The following STX18 variants were observed in gnomAD, a reference collection of about 807,000 sequenced individuals.
STX18 encodes syntaxin 18, also known as syntaxin-18.
Under a neutral mutation model 50.1 loss-of-function variants are expected in STX18, and 40 were observed. The ratio of observed to expected loss-of-function variants is 0.80; its 90% CI spans 0.62 to 1.04. STX18 has a LOEUF of 1.04. STX18 is among the 50% of genes least tolerant of loss of function. The pLI, the probability that STX18 is intolerant of heterozygous loss-of-function variation, is 0.00. For missense variants in STX18, 410 were observed against 415.8 expected (o/e 0.99, Z 0.12); for synonymous variants, 158 against 151.8 (o/e 1.04, Z -0.30).
intron 1 of STX18, among the ~76,000 whole-genome samples, chr4:4,494,285 G>A (rs1338057193): frequency 1.3e-5 from 2 of 152,110 alleles, no homozygotes; most frequent in Non-Finnish European, 2.9e-5. Context: ...CCTTCTCCAG[G>A]CTTCAATCCT....
intron 1 of STX18, among the ~76,000 whole-genome samples, chr4:4,472,401 C>T (rs11735329): frequency 4.6e-5 from 7 of 152,190 alleles, no homozygotes; most frequent in Non-Finnish European, 1.0e-4. Context: ...TAGGGACAAA[C>T]GTGTTTCCAG....
rs182785091 is a variant in STX18 at position 4,420,217 on chromosome 4, T to G, written c.913-88A>C. 613 of 1,014,320 alleles carry G rather than the reference T, an allele frequency of 6.0e-4. 3 individuals are homozygous for G. In the African/African-American group the frequency reaches 8.4e-3, roughly 14 times the overall value. 62.8% of individuals were successfully genotyped at this position (1,014,320 alleles called of 1,614,324 possible). A position where few individuals can be genotyped will look rare whatever the true frequency, so the allele number is the denominator to read the frequency against. On this transcript the variant is annotated intron_variant, in intron 10 of 10. Transcript: ENST00000306200. This position sits in a 1 kb window ranked among gnomAD's most constrained non-coding sequence, Gnocchi z 4.3. ...AATGCCCCCCTCTTCCCACGTGCTC[T>G]CCTGATCCTGGCTGTAACTATGGGT...
At chr4:4,467,662 T>C (rs766079256) in intron 2 of STX18, among the ~76,000 whole-genome samples, 7 of 137,594 alleles carry the variant, frequency 5.1e-5, no homozygotes, top group Non-Finnish European at 9.0e-5. Context: ...GAGGAACAAA[T>C]GAGATAAAAT....
chr4:4,513,786 T>C (rs1287635172), intron 1 of STX18, among the ~76,000 whole-genome samples: 1 of 152,200 alleles, frequency 6.6e-6, no homozygotes, highest in Non-Finnish European at 1.5e-5. Flanking sequence ...GGATATCTCC[T>C]TGCTACTGCA....
intron 1 of STX18, among the ~76,000 whole-genome samples, chr4:4,509,844 C>A (rs1729917029): frequency 6.6e-6 from 1 of 152,008 alleles, no homozygotes; most frequent in Admixed American, 6.6e-5. Flanking sequence ...AGGCAGGTAT[C>A]TCCAGGCAAA....
intron 1 of STX18, among the ~76,000 whole-genome samples, chr4:4,540,291 T>G (rs1384752130): frequency 2.6e-5 from 4 of 152,202 alleles, no homozygotes; most frequent in African/African-American, 7.2e-5. Flanking sequence ...CTCTACCAGA[T>G]AACATCTGAC....
chr4:4,453,566 G>A, intron 5 of STX18: 1 of 561,116 alleles, frequency 1.8e-6, no homozygotes, highest in African/African-American at 2.0e-5. Flanking sequence ...AAACCAAAAT[G>A]TCTTTGTGAC....
chr4:4,474,815 T>G (rs1439857975), intron 1 of STX18, among the ~76,000 whole-genome samples: 4 of 152,226 alleles, frequency 2.6e-5, no homozygotes. Context: ...AACACGGTCC[T>G]GCCAACACCT....
At chr4:4,519,593 A>T (rs1730425461) in intron 1 of STX18, among the ~76,000 whole-genome samples, 1 of 152,176 alleles carries the variant, frequency 6.6e-6, no homozygotes, top group South Asian at 2.1e-4. Context: ...GAACCAAATC[A>T]TTAGCTGTAA....
rs1037344335 is a variant in STX18 at position 4,447,425 on chromosome 4, T to TA, written c.498-8917dup. On this transcript the variant is annotated intron_variant, in intron 5 of 10. Transcript: ENST00000306200. ...TAACACGGTGAAACCCCGTCTCTAC[T>TA]AAAAAAATACAAAAAATTAGCCGGG... 1.2e-4 allele frequency among the ~76,000 whole-genome samples: 18 copies of TA among 150,688 alleles called. No individual in the cohort carries two copies. In the South Asian group the frequency reaches 1.5e-3, roughly 12 times the overall value.
At chr4:4,538,997 A>C (rs1218424555) in intron 1 of STX18, among the ~76,000 whole-genome samples, 1 of 152,244 alleles carries the variant, frequency 6.6e-6, no homozygotes, top group African/African-American at 2.4e-5. Flanking sequence ...AGTAAAATTG[A>C]GCATAAAAGT....
chr4:4,440,000 G>T (rs1366858596), intron 5 of STX18, among the ~76,000 whole-genome samples: 2 of 152,188 alleles, frequency 1.3e-5, no homozygotes, highest in African/African-American at 4.8e-5. Flanking sequence ...CCAGATTCTG[G>T]ATTAGTGCCT....
At chr4:4,496,791 T>C (rs937640981) in intron 1 of STX18, among the ~76,000 whole-genome samples, 4 of 152,198 alleles carry the variant, frequency 2.6e-5, no homozygotes, top group Admixed American at 2.0e-4. Flanking sequence ...TACACTATGG[T>C]GTCATGCAGG....
intron 7 of STX18, among the ~76,000 whole-genome samples, chr4:4,427,156 A>G (rs4348043): frequency 0.37 from 56,305 of 152,046 alleles, 15,266 homozygotes; most frequent in African/African-American, 0.77. Context: ...CACACATGAC[A>G]GAACACCAGT....
chr4:4,503,521 A>G (rs1201193232), intron 1 of STX18, among the ~76,000 whole-genome samples: 5 of 152,204 alleles, frequency 3.3e-5, no homozygotes, highest in South Asian at 4.1e-4. Context: ...TTCAATTTGC[A>G]TATCTATTTC....
chr4:4,440,993 A>C (rs2108794666), intron 5 of STX18, among the ~76,000 whole-genome samples: 1 of 152,292 alleles, frequency 6.6e-6, no homozygotes, highest in Admixed American at 6.5e-5. Context: ...TGGAGGGTTC[A>C]CTTCCAAGGA....
chr4:4,533,891 A>G (rs1560214650), intron 1 of STX18, among the ~76,000 whole-genome samples: 1 of 152,232 alleles, frequency 6.6e-6, no homozygotes, highest in Non-Finnish European at 1.5e-5. Context: ...ATCCCTGAGA[A>G]TCATGCTTCT....
intron 1 of STX18, among the ~76,000 whole-genome samples, chr4:4,474,947 T>A (rs568417541): frequency 6.6e-6 from 1 of 152,372 alleles, no homozygotes; most frequent in African/African-American, 2.4e-5. Flanking sequence ...GAGAAACTAA[T>A]ACACCTACTA....
At chr4:4,487,409 C>T (rs550057874) in intron 1 of STX18, among the ~76,000 whole-genome samples, 1 of 152,226 alleles carries the variant, frequency 6.6e-6, no homozygotes, top group South Asian at 2.1e-4. Context: ...TGTCGGACAC[C>T]ATGTTAAACC....
Sources: allele counts gnomAD v4.1 joint callset (sites outside exome capture counted in the v4.1 genomes callset), GRCh38; gene constraint gnomAD v4.1.1; non-coding constraint Gnocchi (gnomAD v3.1); transcripts MANE v1.5; gene names NCBI Gene and HGNC (gene_info 2026-07-23, HGNC 2026-07-21).